UTP25: variants seen among roughly 807,000 people sequenced by gnomAD.
UTP25 encodes U3 small nucleolar RNA-associated protein 25 homolog.
In UTP25, 50 loss-of-function variants were observed where a neutral mutation model predicts 78.9. The ratio of observed to expected loss-of-function variants is 0.63; its 90% CI spans 0.50 to 0.80. UTP25 has a LOEUF of 0.80. UTP25 is among the 30% of genes least tolerant of loss of function. The pLI is 0.00. For missense variants in UTP25, 846 were observed against 911.3 expected (o/e 0.93, Z 0.92); for synonymous variants, 329 against 336.5 (o/e 0.98, Z 0.24).
chr1:209,830,136 A>T lies in UTP25; in HGVS notation c.136A>T (p.Ile46Phe), dbSNP rs768770157. The T allele has an allele frequency of 6.2e-7, 1 of 1,611,994 alleles. No individual in the cohort carries two copies. Among genetic ancestry groups the T allele is most frequent in the Non-Finnish European group, 8.5e-7 (1 of 1,178,712 alleles). ...TTCCAGAAAGGAAGCAAAGCCACAG[A>T]TTTGTCAACTGGTAATGCTTTCTAC... is the stretch of plus-strand genomic sequence containing the variant. The part of the protein sequence containing the change: ...RVSRKEAKPQ[I>F]CQLSESSDSS... The change falls in exon 2 of 12, where the codon ATT (isoleucine) becomes TTT (phenylalanine). Residue 46 changes from isoleucine to phenylalanine, a missense_variant. Coordinates refer to ENST00000491415, the MANE Select transcript of UTP25 (RefSeq NM_014388.7).
intron 4 of UTP25, among the ~76,000 whole-genome samples, chr1:209,833,571 G>A (rs2102569763): frequency 6.6e-6 from 1 of 152,290 alleles, no homozygotes; most frequent in Admixed American, 6.5e-5. Flanking sequence ...AAGAATGATG[G>A]TAGGGAAGGC....
intron 1 of UTP25, among the ~76,000 whole-genome samples, chr1:209,828,392 T>TGGG: frequency 7.4e-6 from 1 of 135,126 alleles, no homozygotes. Flanking sequence ...GCCCGTTGTG[T>TGGG]GGGGGAGGAT....
At chr1:209,847,950 A>G (rs2078208075) in intron 11 of UTP25, among the ~76,000 whole-genome samples, 2 of 152,182 alleles carry the variant, frequency 1.3e-5, no homozygotes, top group Admixed American at 6.5e-5. Context: ...TTTTCATGAC[A>G]TCGACATCTT....
intron 11 of UTP25, among the ~76,000 whole-genome samples, chr1:209,849,202 T>C (rs7522045): frequency 0.18 from 27,336 of 151,776 alleles, 2,666 homozygotes; most frequent in South Asian, 0.23. Flanking sequence ...GGGGGTGAGG[T>C]TTTCTCAGGG....
In UTP25 at chr1:209,830,914, G is replaced by A. The variant is rs965155895; in HGVS notation, c.259G>A (p.Glu87Lys). The change falls in exon 3 of 12, where the codon GAG (glutamate) becomes AAG (lysine). Residue 87 changes from glutamate (E) to lysine (K), a missense_variant. Transcript: ENST00000491415. ...ATTAAAGAATGTTTCTGAGGAAGAA[G>A]AGGAAGATGAGGAGGAGGAAGAGGA... ...ATLKNVSEEE[E>K]EDEEEEEEED... is the part of the protein sequence containing the mutation. 1 of 1,613,912 alleles carries A rather than the reference G, an allele frequency of 6.2e-7. No individual in the cohort carries two copies. The highest frequency in any genetic ancestry group is 8.5e-7 in the Non-Finnish European group (1 of 1,179,792).
intron 7 of UTP25, 113 bp from the exon 8 acceptor site, chr1:209,840,740 G>C (rs1257470936): frequency 9.1e-6 from 9 of 985,602 alleles, no homozygotes; most frequent in Admixed American, 7.2e-5. Context: ...TACATGCTAA[G>C]AGGAACAAAA....
intron 6 of UTP25, among the ~76,000 whole-genome samples, chr1:209,837,854 T>C (rs1343222649): frequency 6.6e-6 from 1 of 152,196 alleles, no homozygotes; most frequent in Non-Finnish European, 1.5e-5. Flanking sequence ...CCAGGACTTG[T>C]CCCCCTGCCC....
At position 209,842,419 on chromosome 1, in the gene UTP25, A is replaced by G. The variant is rs1223561389; in HGVS notation, c.1640A>G (p.Asn547Ser). ...GATGCCCAGATCAACTCAGTGTTCA[A>G]CAAGTACTGTGTCAACATGCAAGGC... ...LQDAQINSVF[N>S]KYCVNMQGQV... The change falls in exon 9 of 12, where the codon AAC becomes AGC. Residue 547 changes from asparagine (N) to serine (S), a missense_variant. Physicochemically the swap from Asn to Ser is conservative, Grantham distance 46. Transcript: ENST00000491415. 6.2e-7 allele frequency: 1 copy of G among 1,614,160 alleles called. No homozygotes were observed. Among genetic ancestry groups the G allele is most frequent in the African/African-American group, 1.3e-5 (1 of 75,054 alleles).
Position 209,841,031 on chromosome 1 carries a change from G to GATGCAGGAC in UTP25, c.1467_1468insGACATGCAG (p.Gln489_Asn490insAspMetGln). ...TCATTGATCAAGCTGACATTTACCTGATGCAGAACTGGGAGCATGTCCTGG... is the reference window on the plus strand; with the variant it reads ...TCATTGATCAAGCTGACATTTACCTGATGCAGGACATGCAGAACTGGGAGCATGTCCTGG... On this transcript the variant is annotated inframe_insertion, in exon 8 of 12. Coordinates refer to ENST00000491415, the MANE Select transcript of UTP25 (RefSeq NM_014388.7). 1.2e-6 allele frequency: 2 copies of GATGCAGGAC among 1,614,026 alleles called. No individual in the cohort carries two copies. The highest frequency in any genetic ancestry group is 1.7e-6 in the Non-Finnish European group (2 of 1,179,928).
At chr1:209,842,761 C>T (rs2078175297) in intron 10 of UTP25, 66 bp downstream of exon 10, 1 of 1,205,500 alleles carries the variant, frequency 8.3e-7, no homozygotes, top group Non-Finnish European at 1.2e-6. Flanking sequence ...GCATACAAAC[C>T]TAGAATTGGA....
intron 5 of UTP25, 138 bp from the exon 6 acceptor site, chr1:209,836,663 A>G: frequency 4.5e-6 from 4 of 887,146 alleles, no homozygotes; most frequent in South Asian, 3.7e-5. Context: ...GTATCATGGT[A>G]ACTACCTTGC....
intron 1 of UTP25, 62 bp downstream of exon 1, chr1:209,828,232 T>C: frequency 7.7e-7 from 1 of 1,305,588 alleles, no homozygotes. Context: ...TTTGGTCCTC[T>C]GGTCTCCCAG....
Position 209,842,651 on chromosome 1 carries a change from C to G in UTP25, c.1737C>G (p.Phe579Leu). 1 of 1,613,650 alleles carries G rather than the reference C, an allele frequency of 6.2e-7. No individual in the cohort carries two copies. Among genetic ancestry groups the G allele is most frequent in the Non-Finnish European group, 8.5e-7 (1 of 1,179,884 alleles). The change falls in exon 10 of 12, where the codon TTC becomes TTG. Residue 579 changes from phenylalanine to leucine, a missense_variant. Physicochemically the swap from Phe to Leu is conservative, Grantham distance 22 (BLOSUM62 0). Transcript: ENST00000491415. ...TCCTGGTGCAGCTCCCACATGTCTT[C>G]CAGAGGATGGAAGCTGAAAACCTAG... ...SHVLVQLPHV[F>L]QRMEAENLAS...
chr1:209,835,313 C>T (rs765242967), intron 5 of UTP25, 150 bp downstream of exon 5: 3 of 621,142 alleles, frequency 4.8e-6, no homozygotes, highest in South Asian at 3.9e-5. Flanking sequence ...GCTAGAAGAG[C>T]CTAGTGGGGC....
chr1:209,850,763 T>C (rs2078226136), intron 11 of UTP25, among the ~76,000 whole-genome samples: 1 of 152,210 alleles, frequency 6.6e-6, no homozygotes, highest in African/African-American at 2.4e-5. Flanking sequence ...AAAAGACTAA[T>C]GGGAGTGTAT....
Position 209,851,664 on chromosome 1 carries a change from GA to G in UTP25, c.*218del. The G allele has an allele frequency of 2.1e-6, 1 of 469,962 alleles. No individual in the cohort carries two copies. Among genetic ancestry groups the G allele is most frequent in the South Asian group, 5.0e-5 (1 of 20,142 alleles). 29.1% of individuals were successfully genotyped at this position (469,962 alleles called of 1,614,324 possible). A position where few individuals can be genotyped will look rare whatever the true frequency, so the allele number is the denominator to read the frequency against. On this transcript the variant is annotated 3_prime_UTR_variant, in exon 12 of 12. Transcript: ENST00000491415. ...GTAAATCCCATCTTTCAGAAGTGAA[GA>G]GGGGGCTAGAAGGACTCTGAGAAGT...
At chr1:209,828,378 G>A (rs1349022230) in intron 1 of UTP25, among the ~76,000 whole-genome samples, 1 of 151,266 alleles carries the variant, frequency 6.6e-6, no homozygotes, top group Non-Finnish European at 1.5e-5. Context: ...CTGCTAAGAG[G>A]CACGCCCGTT....
intron 10 of UTP25, chr1:209,843,245 A>G: frequency 1.6e-6 from 1 of 614,018 alleles, no homozygotes; most frequent in Non-Finnish European, 2.8e-6. Context: ...TCTGTTTTTT[A>G]CAATGAATAG....
rs1266968521 is a variant in UTP25 at position 209,843,662 on chromosome 1, C to T, written c.1993C>T (p.Leu665=). ...CTTCCTTCAAGGAGAGAAACAGTTTCTACTTTTCACAGAGCGCTTCCATTT... is the reference window on the plus strand; with the variant it reads ...CTTCCTTCAAGGAGAGAAACAGTTTTTACTTTTCACAGAGCGCTTCCATTT... ...HFFLQGEKQF[L]LFTERFHFYK... Residue 665 remains leucine (L), a synonymous_variant, in exon 11 of 12, where the codon CTA becomes TTA. Transcript: ENST00000491415. 3 of 1,613,906 alleles carry T rather than the reference C, an allele frequency of 1.9e-6. No homozygotes were observed. The East Asian group carries it at 6.7e-5, about 36-fold the overall frequency.
Sources: allele counts gnomAD v4.1 joint callset (sites outside exome capture counted in the v4.1 genomes callset), GRCh38; gene constraint gnomAD v4.1.1; transcripts MANE v1.5; gene names NCBI Gene and HGNC (gene_info 2026-07-23, HGNC 2026-07-21).